Variants in DCBLD2 observed in about 807,000 individuals in gnomAD.
DCBLD2 encodes the protein discoidin, CUB and LCCL domain containing 2, also known as discoidin, CUB and LCCL domain-containing protein 2.
In DCBLD2, 54 loss-of-function variants were observed where a neutral mutation model predicts 86.8. The ratio of observed to expected loss-of-function variants is 0.62; its 90% CI spans 0.50 to 0.78. DCBLD2 has a LOEUF of 0.78. Among genes scored for constraint, DCBLD2 ranks in the 30% least tolerant of loss-of-function variants. The probability of loss-of-function intolerance (pLI) is 0.00; values close to 1 mark genes in which losing one functional copy is unlikely to be tolerated. For missense variants in DCBLD2, 908 were observed against 954.2 expected, an observed-to-expected ratio of 0.95 and a Z score of 0.64; for synonymous variants, 354 against 341.3, an observed-to-expected ratio of 1.04 and a Z score of -0.41.
chr3:98,841,036 A>C (rs1942610577), intron 3 of DCBLD2, among the ~76,000 whole-genome samples: 1 of 152,190 alleles, frequency 6.6e-6, no homozygotes, highest in African/African-American at 2.4e-5. Context: ...TTCAGTGTTG[A>C]ATATACACTA....
rs768120325 is a variant in DCBLD2 at position 98,849,534 on chromosome 3, T to C, written c.498A>G (p.Thr166=). The C allele has an allele frequency of 1.9e-6, 3 of 1,613,890 alleles. No homozygotes were observed. The highest frequency in any genetic ancestry group is 2.5e-6 in the Non-Finnish European group (3 of 1,179,834). Residue 166 remains threonine, a synonymous_variant, in exon 3 of 16, where the codon ACA becomes ACG. Transcript: ENST00000326840. ...HSIESKGNEI[T]LLFMSGIHVS... is the part of the protein sequence containing the mutation. ...CATGGATTCCACTCATGAACAGCAA[T>C]GTGATTTCATTGCCTTTTGATTCAA...
chr3:98,815,031 C>T (rs1036026666), intron 9 of DCBLD2: 1 of 152,118 alleles, frequency 6.6e-6, no homozygotes, highest in Non-Finnish European at 1.5e-5. Flanking sequence ...AGAGACAGAG[C>T]TGAGAGTGGG....
chr3:98,881,452 C>G, intron 2 of DCBLD2, 88 bp downstream of exon 2: 4 of 1,231,834 alleles, frequency 3.2e-6, no homozygotes, highest in Non-Finnish European at 4.7e-6. Context: ...GCACCTTACA[C>G]TGCATGGTTA....
chr3:98,889,293 C>A (rs1307106268), intron 1 of DCBLD2, among the ~76,000 whole-genome samples: 1 of 151,968 alleles, frequency 6.6e-6, no homozygotes, highest in East Asian at 1.9e-4. Context: ...CAAAGCCTCT[C>A]AGTTTTCTCT....
intron 3 of DCBLD2, among the ~76,000 whole-genome samples, chr3:98,828,917 C>A (rs1196471863): frequency 6.6e-6 from 1 of 152,162 alleles, no homozygotes; most frequent in Non-Finnish European, 1.5e-5. Context: ...CAAAAGACCA[C>A]ATACTATGTG....
chr3:98,867,800 GT>G (rs1312217767), intron 2 of DCBLD2, among the ~76,000 whole-genome samples: 1 of 149,030 alleles, frequency 6.7e-6, no homozygotes, highest in East Asian at 1.9e-4. Flanking sequence ...TGTTTTTGTT[GT>G]TTTTTGTTTT....
chr3:98,847,215 GTACACATGTTT>G (rs1559784571), intron 3 of DCBLD2, among the ~76,000 whole-genome samples: 25 of 151,826 alleles, frequency 1.6e-4, no homozygotes, highest in Non-Finnish European at 3.4e-4. Context: ...CCTACAAACA[GTACACATGTTT>G]TTATTAGATT....
chr3:98,802,689 A>G lies in DCBLD2; in HGVS notation c.1671-1040T>C, dbSNP rs567532741. On this transcript the variant is annotated intron_variant, in intron 13 of 15. Transcript: ENST00000326840. Reference sequence around the variant, plus strand: ...GGGTTTTTATGGTTTTAGGTCTAACATTTAAGTCTTTAATCCATCTTGAAT... The same window carrying G: ...GGGTTTTTATGGTTTTAGGTCTAACGTTTAAGTCTTTAATCCATCTTGAAT... 6.2e-3 allele frequency among the ~76,000 whole-genome samples: 946 copies of G among 152,266 alleles called. 6 individuals carry two copies. Among genetic ancestry groups the G allele is most frequent in the African/African-American group, 0.021 (869 of 41,556 alleles).
chr3:98,846,764 TA>T (rs1321532183), intron 3 of DCBLD2, among the ~76,000 whole-genome samples: 1 of 152,194 alleles, frequency 6.6e-6, no homozygotes, highest in East Asian at 1.9e-4. Flanking sequence ...CTACACAACA[TA>T]CTGATTCTTT....
intron 2 of DCBLD2, among the ~76,000 whole-genome samples, chr3:98,879,044 C>A (rs1453651831): frequency 6.6e-6 from 1 of 152,224 alleles, no homozygotes; most frequent in Non-Finnish European, 1.5e-5. Context: ...CCACGCCACT[C>A]TTCCACTCTA....
chr3:98,901,666 C>G lies in DCBLD2; in HGVS notation c.-340G>C, dbSNP rs1943856238. ...AGGGTCGCCGCTCGCCGCGCTCACC[C>G]GCGGCTCCGGCTAGCTGGCAGGCAG... On this transcript the variant is annotated 5_prime_UTR_variant, in exon 1 of 16. Transcript: ENST00000326840. 1 of 188,664 alleles carries G rather than the reference C, an allele frequency of 5.3e-6. No individual in the cohort carries two copies. Among genetic ancestry groups the G allele is most frequent in the Non-Finnish European group, 1.1e-5 (1 of 92,220 alleles). 11.7% of individuals were successfully genotyped at this position (188,664 alleles called of 1,614,324 possible). A position where few individuals can be genotyped will look rare whatever the true frequency, so the allele number is the denominator to read the frequency against.
At chr3:98,870,631 A>G (rs1186917301) in intron 2 of DCBLD2, among the ~76,000 whole-genome samples, 1 of 149,558 alleles carries the variant, frequency 6.7e-6, no homozygotes, top group Non-Finnish European at 1.5e-5. Flanking sequence ...AGGGAAAGGG[A>G]AATGGAAGGA....
intron 3 of DCBLD2, among the ~76,000 whole-genome samples, chr3:98,838,918 C>T (rs1244963681): frequency 4.0e-5 from 6 of 151,456 alleles, no homozygotes; most frequent in African/African-American, 1.2e-4. Flanking sequence ...TGCCTGCAAT[C>T]GCAGGCATTC....
intron 4 of DCBLD2, among the ~76,000 whole-genome samples, chr3:98,824,786 T>C (rs1942187261): frequency 6.6e-6 from 1 of 152,124 alleles, no homozygotes; most frequent in African/African-American, 2.4e-5. Flanking sequence ...AAGTAGTTTC[T>C]CAAGATTTTT....
At chr3:98,870,656 AAGAGAGAG>A (rs71124007) in intron 2 of DCBLD2, among the ~76,000 whole-genome samples, 4 of 134,132 alleles carry the variant, frequency 3.0e-5, no homozygotes, top group African/African-American at 5.8e-5. Context: ...GAGATAGAGA[AAGAGAGAG>A]AGAGAGAGAG....
intron 1 of DCBLD2, among the ~76,000 whole-genome samples, chr3:98,894,394 A>G (rs1312349398): frequency 3.9e-5 from 6 of 152,172 alleles, no homozygotes; most frequent in Non-Finnish European, 5.9e-5. Context: ...AATATTGGAG[A>G]TGCCTATTGA....
At chr3:98,877,586 G>T (rs1943393601) in intron 2 of DCBLD2, among the ~76,000 whole-genome samples, 1 of 7,840 alleles carries the variant, frequency 1.3e-4, no homozygotes, top group South Asian at 0.1. Context: ...AATATAAAAA[G>T]ATATAACAGG....
intron 2 of DCBLD2, among the ~76,000 whole-genome samples, chr3:98,876,434 A>T (rs1415664388): frequency 6.7e-6 from 1 of 148,642 alleles, no homozygotes; most frequent in Non-Finnish European, 1.5e-5. Flanking sequence ...AAAAAAAAAA[A>T]AAAAAAAAGG....
intron 2 of DCBLD2, among the ~76,000 whole-genome samples, chr3:98,872,393 T>A (rs568905405): frequency 6.6e-6 from 1 of 152,286 alleles, no homozygotes; most frequent in South Asian, 2.1e-4. Flanking sequence ...CACAAGCCCC[T>A]TTCCCTTCCA....
Sources: allele counts gnomAD v4.1 joint callset (sites outside exome capture counted in the v4.1 genomes callset), GRCh38; gene constraint gnomAD v4.1.1; transcripts MANE v1.5; gene names NCBI Gene and HGNC (gene_info 2026-07-23, HGNC 2026-07-21).